The following NGF variants were observed in gnomAD, a reference collection of about 807,000 sequenced individuals.
NGF encodes the protein nerve growth factor.
Under a neutral mutation model 12.8 loss-of-function variants are expected in NGF, and 4 were observed. The ratio of observed to expected loss-of-function variants is 0.31; its 90% CI spans 0.15 to 0.72. The LOEUF is 0.72. NGF is among the 30% of genes least tolerant of loss of function. NGF has a pLI of 0.69. For synonymous variants in NGF, 140 were observed against 130.0 expected (o/e 1.08, Z -0.52); for missense variants, 283 against 330.8 (o/e 0.86, Z 1.12).
intron 1 of NGF, among the ~76,000 whole-genome samples, chr1:115,326,471 G>T (rs77979528): frequency 6.6e-6 from 1 of 151,956 alleles, no homozygotes; most frequent in Non-Finnish European, 1.5e-5. Flanking sequence ...TGAAAATGAG[G>T]GCACTATAGC....
intron 1 of NGF, among the ~76,000 whole-genome samples, chr1:115,319,904 G>A (rs937403502): frequency 2.0e-5 from 3 of 152,172 alleles, no homozygotes; most frequent in African/African-American, 7.2e-5. Flanking sequence ...CACTGGGCAG[G>A]CGTGGGTGGT....
intron 1 of NGF, among the ~76,000 whole-genome samples, chr1:115,315,338 G>T (rs1571088277): frequency 6.6e-6 from 1 of 152,194 alleles, no homozygotes; most frequent in African/African-American, 2.4e-5. Flanking sequence ...TTATCCAGGT[G>T]GGAGGTGATG....
chr1:115,306,535 T>C (rs775779544), intron 1 of NGF, among the ~76,000 whole-genome samples: 64 of 152,200 alleles, frequency 4.2e-4, no homozygotes, highest in Admixed American at 2.0e-3. Context: ...ATAATAAAAA[T>C]CTCACACTAC....
intron 1 of NGF, among the ~76,000 whole-genome samples, chr1:115,297,059 G>A (rs10489530): frequency 0.08 from 12,173 of 151,604 alleles, 1,053 homozygotes; most frequent in African/African-American, 0.22. Context: ...GTCCTGTCCT[G>A]GGTTTCATGC....
At position 115,286,764 on chromosome 1, in the gene NGF, G is replaced by T. The variant is rs1401808499; in HGVS notation, c.32C>A (p.Ala11Asp). 6.2e-7 allele frequency: 1 copy of T among 1,614,186 alleles called. No individual in the cohort carries two copies. The highest frequency in any genetic ancestry group is 8.5e-7 in the Non-Finnish European group (1 of 1,180,042). Residue 11 changes from alanine to aspartate, a missense_variant, in exon 3 of 3, where the codon GCT (alanine) becomes GAT (aspartate). Transcript: ENST00000369512. ...TTCCGCCTGTATGCCGATCAGAAAA[G>T]CTGTGATCAGAGTGTAGAACAACAT... The part of the protein sequence containing the change: MSMLFYTLIT[A>D]FLIGIQAEPH...
intron 1 of NGF, among the ~76,000 whole-genome samples, chr1:115,300,733 A>G (rs1370645442): frequency 2.0e-5 from 3 of 152,238 alleles, no homozygotes; most frequent in Non-Finnish European, 1.5e-5. Flanking sequence ...CATGCAGCAC[A>G]TGCAAATCCT....
At chr1:115,330,007 C>T (rs568206393) in intron 1 of NGF, among the ~76,000 whole-genome samples, 74 of 152,232 alleles carry the variant, frequency 4.9e-4, no homozygotes, top group African/African-American at 1.7e-3. Context: ...CCTCCCGCCT[C>T]AGCCCCCTAA....
Position 115,312,436 on chromosome 1 carries a change from C to CT in NGF, c.-136-18687_-136-18686insA, listed in dbSNP as rs1289687825. On this transcript the variant is annotated intron_variant, in intron 1 of 2. Coordinates refer to ENST00000369512, the MANE Select transcript of NGF (RefSeq NM_002506.3). Reference sequence around the variant, plus strand: ...ATGAGCTTTGTTTTTAAGTAATAAACAATATAGCAGAAGTGACACGACAAA... The same window carrying CT: ...ATGAGCTTTGTTTTTAAGTAATAAACTAATATAGCAGAAGTGACACGACAAA... Among the ~76,000 whole-genome samples, 19 of 151,908 alleles carry CT rather than the reference C, an allele frequency of 1.3e-4. No individual in the cohort carries two copies. In the South Asian group the frequency reaches 4.0e-3, roughly 32 times the overall value.
At position 115,337,267 on chromosome 1, in the gene NGF, G is replaced by GTTTGTTTGTTTTTTTTTTT; in HGVS notation, c.-137+936_-137+937insAAAAAAAAAAACAAACAAA. Among the ~76,000 whole-genome samples the GTTTGTTTGTTTTTTTTTTT allele has an allele frequency of 3.0e-4, 24 of 81,032 alleles. 4 individuals are homozygous for GTTTGTTTGTTTTTTTTTTT. The highest frequency in any genetic ancestry group is 1.2e-3 in the African/African-American group (22 of 18,896). 53.2% of individuals were successfully genotyped at this position (81,032 alleles called of 152,430 possible). A position where few individuals can be genotyped will look rare whatever the true frequency, so the allele number is the denominator to read the frequency against. On this transcript the variant is annotated intron_variant, in intron 1 of 2. Coordinates refer to ENST00000369512, the MANE Select transcript of NGF (RefSeq NM_002506.3). ...TCGAAATTTTTTTTGTTTTGTTTTT[G>GTTTGTTTGTTTTTTTTTTT]TTTTTTTTTTTTTTTTTTTTTTTTT...
At chr1:115,306,282 G>T (rs776084886) in intron 1 of NGF, among the ~76,000 whole-genome samples, 4 of 152,212 alleles carry the variant, frequency 2.6e-5, no homozygotes, top group Admixed American at 2.0e-4. Flanking sequence ...CTTGGTGGAT[G>T]AACATTCAGA....
chr1:115,291,906 A>G (rs549237364), intron 2 of NGF, among the ~76,000 whole-genome samples: 3 of 152,296 alleles, frequency 2.0e-5, no homozygotes, highest in African/African-American at 7.2e-5. Flanking sequence ...AGAGACAGCC[A>G]TGCCAAGAGC....
chr1:115,322,934 T>C (rs1654670882), intron 1 of NGF, among the ~76,000 whole-genome samples: 1 of 152,344 alleles, frequency 6.6e-6, no homozygotes, highest in South Asian at 2.1e-4. Context: ...AAGATTTTAA[T>C]AATATAATGA....
At chr1:115,307,669 A>G (rs1326453941) in intron 1 of NGF, among the ~76,000 whole-genome samples, 1 of 152,268 alleles carries the variant, frequency 6.6e-6, no homozygotes, top group Non-Finnish European at 1.5e-5. Context: ...TAGTCCTACA[A>G]GATTATTCAT....
At chr1:115,329,802 T>A (rs1376882469) in intron 1 of NGF, among the ~76,000 whole-genome samples, 1 of 146,942 alleles carries the variant, frequency 6.8e-6, no homozygotes, top group Non-Finnish European at 1.5e-5. Context: ...CAGGCTAGAG[T>A]GCAGTGGCAT....
intron 1 of NGF, among the ~76,000 whole-genome samples, chr1:115,311,873 G>A (rs1345265871): frequency 6.6e-6 from 1 of 152,116 alleles, no homozygotes; most frequent in Non-Finnish European, 1.5e-5. Flanking sequence ...TTTATGAAAG[G>A]AAGTTACAGT....
intron 1 of NGF, among the ~76,000 whole-genome samples, chr1:115,329,714 C>CCTGTATTT: frequency 6.6e-6 from 1 of 151,096 alleles, no homozygotes; most frequent in East Asian, 1.9e-4. Context: ...GATTTCACAA[C>CCTGTATTT]CTGTATTTTG....
intron 1 of NGF, among the ~76,000 whole-genome samples, chr1:115,300,681 C>T (rs2101032367): frequency 6.6e-6 from 1 of 152,342 alleles, no homozygotes; most frequent in Middle Eastern, 3.4e-3. Context: ...GAAAATCTGA[C>T]TCAAGGCATG....
chr1:115,309,547 G>A (rs771759232), intron 1 of NGF, among the ~76,000 whole-genome samples: 81 of 152,222 alleles, frequency 5.3e-4, no homozygotes, highest in Admixed American at 9.8e-4. Flanking sequence ...CCTACATTAG[G>A]TATTTCTCCT....
intron 1 of NGF, among the ~76,000 whole-genome samples, chr1:115,324,356 T>A (rs1384506361): frequency 2.0e-5 from 3 of 152,136 alleles, no homozygotes; most frequent in Admixed American, 1.3e-4. Flanking sequence ...TTTGATTTTG[T>A]CCCTTATCTG....
Sources: gnomAD v4.1 joint callset for allele counts (sites outside exome capture counted in the v4.1 genomes callset) on GRCh38, gnomAD v4.1.1 for gene constraint, MANE v1.5 for transcripts, NCBI Gene and HGNC (gene_info 2026-07-23, HGNC 2026-07-21) for gene names.